NFXL1: variants seen among roughly 807,000 people sequenced by gnomAD.
NFXL1 encodes NF-X1-type zinc finger protein NFXL1.
Under a neutral mutation model 123.3 loss-of-function variants are expected in NFXL1, and 66 were observed. The observed-to-expected ratio is 0.54, with a 90% CI of 0.44 to 0.66. The LOEUF (loss-of-function observed/expected upper bound fraction) is 0.66. Among genes scored for constraint, NFXL1 ranks in the 30% least tolerant of loss-of-function variants. The probability of loss-of-function intolerance (pLI) is 0.00; values close to 1 mark genes in which losing one functional copy is unlikely to be tolerated. For synonymous variants in NFXL1, 346 were observed against 360.8 expected, an observed-to-expected ratio of 0.96 and a Z score of 0.46; for missense variants, 944 against 1,125.6, an observed-to-expected ratio of 0.84 and a Z score of 2.31.
chr4:47,875,344 T>C (rs1735682046), intron 17 of NFXL1, 51 bp from the exon 18 acceptor site: 4 of 1,347,802 alleles, frequency 3.0e-6, no homozygotes, highest in Non-Finnish European at 4.1e-6. Context: ...AAGCCTAACA[T>C]TTCCATATGT....
At chr4:47,906,511 C>A (rs115036192) in intron 3 of NFXL1, among the ~76,000 whole-genome samples, 2,555 of 152,130 alleles carry the variant, frequency 0.017, 73 homozygotes, top group African/African-American at 0.058. Flanking sequence ...TAAACGCAAA[C>A]ATACTCTCAA....
intron 12 of NFXL1, among the ~76,000 whole-genome samples, chr4:47,889,192 A>G (rs978747830): frequency 5.9e-5 from 9 of 152,236 alleles, no homozygotes; most frequent in African/African-American, 1.9e-4. Context: ...AAATTACATA[A>G]TATTAGATTT....
At chr4:47,861,348 C>G (rs895233476) in intron 19 of NFXL1, among the ~76,000 whole-genome samples, 1 of 152,230 alleles carries the variant, frequency 6.6e-6, no homozygotes, top group African/African-American at 2.4e-5. Flanking sequence ...TGTTCCCAGG[C>G]TACAGATACA....
rs533544346 is a variant in NFXL1, at chr4:47,887,934, G to A, written c.1544-1935C>T. Among the ~76,000 whole-genome samples the A allele has an allele frequency of 7.0e-4, 107 of 152,018 alleles. No homozygotes were observed. The South Asian group carries it at 9.4e-3, about 13-fold the overall frequency. ...TTAATAGCCAAAATAGGCATGATTC[G>A]GGTAGTTCTAAAACTATAAACACAG... On this transcript the variant is annotated intron_variant, in intron 12 of 22. Transcript: ENST00000507489.
chr4:47,880,645 C>T (rs1390504011), intron 15 of NFXL1, among the ~76,000 whole-genome samples: 1 of 151,300 alleles, frequency 6.6e-6, no homozygotes, highest in Non-Finnish European at 1.5e-5. Context: ...CACTTCATGT[C>T]TCTATGACAA....
rs778687827 is a variant in NFXL1, at chr4:47,852,755, AC to A, written c.2422-814del. Among the ~76,000 whole-genome samples, 10 of 152,104 alleles carry A rather than the reference AC, an allele frequency of 6.6e-5. No homozygotes were observed. In the South Asian group the frequency reaches 2.1e-3, roughly 32 times the overall value. ...TTAGTTTTAGACTGCCTTTTGTAGT[AC>A]ATCTATCTTTTATTCATTCATTTAT... On this transcript the variant is annotated intron_variant, in intron 20 of 22. Coordinates refer to ENST00000507489, the MANE Select transcript of NFXL1 (RefSeq NM_001278624.2).
intron 6 of NFXL1, 63 bp from the exon 7 acceptor site, chr4:47,899,183 T>C (rs1737256560): frequency 1.9e-5 from 28 of 1,438,712 alleles, no homozygotes; most frequent in Non-Finnish European, 2.2e-5. Flanking sequence ...AACTAAAACT[T>C]TCAATTTCTA....
chr4:47,855,211 T>C (rs1734340546), intron 19 of NFXL1, 48 bp from the exon 20 acceptor site: 1 of 1,105,518 alleles, frequency 9.0e-7, no homozygotes, highest in Non-Finnish European at 1.3e-6. Context: ...ATCTTGATCA[T>C]ACTCTAGTTT....
At chr4:47,865,302 C>T (rs1161089007) in intron 18 of NFXL1, among the ~76,000 whole-genome samples, 2 of 151,974 alleles carry the variant, frequency 1.3e-5, no homozygotes, top group Non-Finnish European at 1.5e-5. Flanking sequence ...AAAACATATA[C>T]TTTAATATGT....
At position 47,905,261 on chromosome 4, in the gene NFXL1, A is replaced by C. The variant is rs767687343; in HGVS notation, c.492T>G (p.Ile164Met). Residue 164 changes from isoleucine (I) to methionine (M), a missense_variant, in exon 4 of 23, where the codon ATT becomes ATG. Transcript: ENST00000507489. ...CTGCTTGGTTTCTCTTCACCGAAGC[A>C]ATACAAATTAGGCATGTCATAGCCC... ...QAGAMTCLIC[I>M]ASVKRNQAVW... is the part of the protein sequence containing the mutation. 11 of 1,569,158 alleles carry C rather than the reference A, an allele frequency of 7.0e-6. No individual in the cohort carries two copies. The highest frequency in any genetic ancestry group is 7.0e-6 in the Non-Finnish European group (8 of 1,142,730).
chr4:47,851,299 G>C (rs1734104119), intron 21 of NFXL1, 151 bp from the exon 22 acceptor site: 6 of 624,780 alleles, frequency 9.6e-6, no homozygotes, highest in South Asian at 2.0e-5. Flanking sequence ...ACTGAGACAA[G>C]GTTTTACCAA....
chr4:47,897,309 C>G lies in NFXL1; in HGVS notation c.1204+658G>C, dbSNP rs79387477. On this transcript the variant is annotated intron_variant, in intron 9 of 22. Coordinates refer to ENST00000507489, the MANE Select transcript of NFXL1 (RefSeq NM_001278624.2). Reference sequence around the variant, plus strand: ...CCTGGGCGACAGGATAAAACCACCTCTCTTAAAAAACTGTAACAACTACAA... The same window carrying G: ...CCTGGGCGACAGGATAAAACCACCTGTCTTAAAAAACTGTAACAACTACAA... Among the ~76,000 whole-genome samples the G allele has an allele frequency of 9.4e-3, 1,432 of 152,226 alleles. 20 individuals are homozygous for G. Among genetic ancestry groups the G allele is most frequent in the African/African-American group, 0.033 (1,376 of 41,538 alleles).
intron 10 of NFXL1, among the ~76,000 whole-genome samples, chr4:47,894,973 T>C (rs1244769813): frequency 6.6e-6 from 1 of 152,204 alleles, no homozygotes; most frequent in Non-Finnish European, 1.5e-5. Context: ...AATTATTCCT[T>C]GATCCATGGG....
intron 2 of NFXL1, 100 bp downstream of exon 2, chr4:47,913,869 G>GA (rs1302323768): frequency 1.3e-6 from 1 of 767,778 alleles, no homozygotes; most frequent in Non-Finnish European, 2.0e-6. Context: ...CGAACGAGGG[G>GA]AAAAGCAGTG....
At chr4:47,885,244 A>C (rs1736356043) in intron 14 of NFXL1, among the ~76,000 whole-genome samples, 1 of 152,144 alleles carries the variant, frequency 6.6e-6, no homozygotes, top group African/African-American at 2.4e-5. Flanking sequence ...ACAATATATG[A>C]AGGAGGACTG....
intron 2 of NFXL1, among the ~76,000 whole-genome samples, chr4:47,911,468 A>G (rs934239627): frequency 1.3e-5 from 2 of 152,220 alleles, no homozygotes; most frequent in Admixed American, 1.3e-4. Flanking sequence ...ACGACGGCCC[A>G]GCCCAGTCCA....
intron 20 of NFXL1, among the ~76,000 whole-genome samples, chr4:47,852,362 C>T (rs1734166449): frequency 6.6e-6 from 1 of 152,100 alleles, no homozygotes; most frequent in African/African-American, 2.4e-5. Flanking sequence ...CAGAGTAGCA[C>T]TAGCCACATA....
At chr4:47,901,860 G>T (rs1025275746) in intron 5 of NFXL1, among the ~76,000 whole-genome samples, 1 of 152,104 alleles carries the variant, frequency 6.6e-6, no homozygotes, top group Non-Finnish European at 1.5e-5. Context: ...TCTTCTAAAA[G>T]TAACTAGCAC....
chr4:47,872,611 T>C (rs1026174257), intron 18 of NFXL1, among the ~76,000 whole-genome samples: 4 of 152,172 alleles, frequency 2.6e-5, no homozygotes, highest in African/African-American at 9.7e-5. Context: ...CCAGTGCATA[T>C]AAAAGTTATG....
Sources: gnomAD v4.1 joint callset for allele counts (sites outside exome capture counted in the v4.1 genomes callset) on GRCh38, gnomAD v4.1.1 for gene constraint, MANE v1.5 for transcripts, NCBI Gene and HGNC (gene_info 2026-07-23, HGNC 2026-07-21) for gene names.